The following SHE variants were observed in gnomAD, a reference collection of about 807,000 sequenced individuals.
SHE encodes the protein Src homology 2 domain containing E.
In SHE, 11 loss-of-function variants were observed where a neutral mutation model predicts 49.8. The ratio of observed to expected loss-of-function variants is 0.22; its 90% CI spans 0.14 to 0.37. The LOEUF (loss-of-function observed/expected upper bound fraction) is 0.37, where lower values mean the gene tolerates loss of function less well. Among genes scored for constraint, SHE ranks in the 10% least tolerant of loss-of-function variants. The pLI is 1.00. For synonymous variants in SHE, 310 were observed against 278.1 expected, an observed-to-expected ratio of 1.11 and a Z score of -1.14; for missense variants, 624 against 655.5, an observed-to-expected ratio of 0.95 and a Z score of 0.52.
intron 2 of SHE, among the ~76,000 whole-genome samples, chr1:154,498,403 T>A (rs1455970668): frequency 2.1e-5 from 3 of 146,340 alleles, no homozygotes; most frequent in African/African-American, 7.7e-5. Flanking sequence ...GCCTTTTTTT[T>A]TTTTTCCTTT....
Position 154,482,579 on chromosome 1 carries a change from T to C in SHE, c.*1570A>G. 7.1e-6 allele frequency: 7 copies of C among 985,460 alleles called. No individual in the cohort carries two copies. The highest frequency in any genetic ancestry group is 8.4e-6 in the Non-Finnish European group (7 of 829,936). The allele number at this position is 985,460 out of a possible 1,614,324, so 61.0% of individuals were successfully genotyped here. A position where few individuals can be genotyped will look rare whatever the true frequency, so the allele number is the denominator to read the frequency against. On this transcript the variant is annotated 3_prime_UTR_variant, in exon 6 of 6. Coordinates refer to ENST00000304760, the MANE Select transcript of SHE (RefSeq NM_001010846.3). ...TGATGACAGTCAGTACATTTGCATA[T>C]GGGGCAGTTTTGAGACCCAAATGAC...
At chr1:154,472,193 G>T (rs1012207849) in intron 1 of SHE, among the ~76,000 whole-genome samples, 3 of 152,170 alleles carry the variant, frequency 2.0e-5, no homozygotes, top group African/African-American at 7.2e-5. Context: ...TTAGTGTGCT[G>T]CTCTATAAGA....
At chr1:154,475,065 G>A (rs1031310048), downstream of SHE, among the ~76,000 whole-genome samples, 2 of 152,186 alleles carry the variant, frequency 1.3e-5, no homozygotes, top group African/African-American at 2.4e-5. Flanking sequence ...AGGGAGTGAG[G>A]GAGCAGAGTA....
At position 154,493,841 on chromosome 1, in the gene SHE, CTGCTAGGTGTATTATGCCCAGAATCTCA is replaced by C. The variant is rs561264906; in HGVS notation, c.719-4513_719-4486del. ...ACGGCTGTACTGACTAGGTATACAC[CTGCTAGGTGTATTATGCCCAGAATCTCA>C]CTGATGCCTCACTAAGGCAGTGACA... On this transcript the variant is annotated intron_variant, in intron 2 of 5. Transcript: ENST00000304760. Among the ~76,000 whole-genome samples, 130 of 152,258 alleles carry C rather than the reference CTGCTAGGTGTATTATGCCCAGAATCTCA, an allele frequency of 8.5e-4. 1 individual carries two copies. The highest frequency in any genetic ancestry group is 2.6e-3 in the African/African-American group (110 of 41,524).
chr1:154,495,481 G>A (rs1199935222), intron 2 of SHE, among the ~76,000 whole-genome samples: 1 of 151,958 alleles, frequency 6.6e-6, no homozygotes, highest in Non-Finnish European at 1.5e-5. Context: ...GCAAAGTTTT[G>A]GGGGGACCCA....
In SHE at chr1:154,501,958, C is replaced by T. The variant is rs769327325; in HGVS notation, c.69G>A (p.Thr23=). 4.2e-6 allele frequency: 6 copies of T among 1,435,464 alleles called. No individual in the cohort carries two copies. In the South Asian group the frequency reaches 7.2e-5, roughly 17 times the overall value. The allele number at this position is 1,435,464 out of a possible 1,614,324, so 88.9% of individuals were successfully genotyped here. ...CGGCTCGGCCCAGGAGCGTCGGGGC[C>T]GTGGAGCAGGCGAGCGAGGAAGCCC... The part of the protein sequence containing the change: ...LGWASSLACS[T]APTLLGRAGR... Residue 23 remains threonine, a synonymous_variant, in exon 1 of 6, where the codon ACG becomes ACA. Coordinates refer to ENST00000304760, the MANE Select transcript of SHE (RefSeq NM_001010846.3).
At chr1:154,472,830 C>T (rs1691776893) in intron 1 of SHE, among the ~76,000 whole-genome samples, 1 of 152,144 alleles carries the variant, frequency 6.6e-6, no homozygotes, top group Non-Finnish European at 1.5e-5. Flanking sequence ...AGTTCACAGG[C>T]CCTTTGTGGT....
rs1272220693 is a variant in SHE at position 154,501,521 on chromosome 1, G to C, written c.506C>G (p.Ser169Cys). The C allele has an allele frequency of 6.2e-7, 1 of 1,614,206 alleles. No individual in the cohort carries two copies. The highest frequency in any genetic ancestry group is 8.5e-7 in the Non-Finnish European group (1 of 1,180,020). Reference protein sequence around the residue: ...SNYPSSSSSSSSSSSSASSSP... With the variant: ...SNYPSSSSSSCSSSSSASSSP... ...AGAGGACGCGGAGGAAGAGGAGCTG[G>C]AGCTGGAGCTACTGCTGCTGGGGTA... The change falls in exon 1 of 6, where the codon TCC becomes TGC. Residue 169 changes from serine (S) to cysteine (C), a missense_variant. By Grantham distance (112) the Ser-to-Cys change is moderately radical. Around this residue, in one of 4 missense-constraint regions of SHE, gnomAD observed 337 missense variants for 306.0 expected, o/e 1.10. Transcript: ENST00000304760.
intron 2 of SHE, among the ~76,000 whole-genome samples, chr1:154,498,647 C>T (rs1334208303): frequency 6.8e-6 from 1 of 148,102 alleles, no homozygotes; most frequent in Non-Finnish European, 1.5e-5. Flanking sequence ...ATCTGCCCGC[C>T]TCTCTCCCAA....
intron 5 of SHE, 38 bp from the exon 6 acceptor site, chr1:154,484,373 G>A (rs1328677748): frequency 6.4e-7 from 1 of 1,566,720 alleles, no homozygotes; most frequent in Admixed American, 1.7e-5. Flanking sequence ...GAATGAGTGG[G>A]CAGAGGATCC....
chr1:154,493,371 C>G (rs145797324), intron 2 of SHE, among the ~76,000 whole-genome samples: 1 of 152,184 alleles, frequency 6.6e-6, no homozygotes, highest in Non-Finnish European at 1.5e-5. Context: ...GGCTGCAAGC[C>G]GACCCTTCCT....
At chr1:154,489,410 A>C in intron 2 of SHE, 54 bp from the exon 3 acceptor site, 4 of 1,565,802 alleles carry the variant, frequency 2.6e-6, no homozygotes, top group Non-Finnish European at 2.6e-6. Context: ...ATGTCTTGAA[A>C]GCAAAGATGC....
intron 2 of SHE, among the ~76,000 whole-genome samples, chr1:154,490,992 A>C (rs1215137989): frequency 6.6e-6 from 1 of 152,188 alleles, no homozygotes; most frequent in East Asian, 1.9e-4. Context: ...AGAAGGAACT[A>C]GCAGTACAGG....
intron 1 of SHE, among the ~76,000 whole-genome samples, chr1:154,471,724 T>C (rs1408870419): frequency 6.6e-6 from 1 of 151,826 alleles, no homozygotes; most frequent in African/African-American, 2.4e-5. Context: ...TGTGTAAGCA[T>C]TCACACTATA....
At position 154,502,139 on chromosome 1, in the gene SHE, C is replaced by A; in HGVS notation, c.-113G>T. 3 of 884,632 alleles carry A rather than the reference C, an allele frequency of 3.4e-6. No individual in the cohort carries two copies. Among genetic ancestry groups the A allele is most frequent in the Non-Finnish European group, 4.4e-6 (3 of 686,524 alleles). 54.8% of individuals were successfully genotyped at this position (884,632 alleles called of 1,614,324 possible). A position where few individuals can be genotyped will look rare whatever the true frequency, so the allele number is the denominator to read the frequency against. Reference sequence around the variant, plus strand: ...AGGGTGGGGTTCTCACGGCTCGGGGCGCCGAGCGGGCGGGCGCTAGCCTCT... The same window carrying A: ...AGGGTGGGGTTCTCACGGCTCGGGGAGCCGAGCGGGCGGGCGCTAGCCTCT... On this transcript the variant is annotated 5_prime_UTR_variant, in exon 1 of 6. Transcript: ENST00000304760.
chr1:154,499,635 G>T (rs1445488763), intron 1 of SHE, among the ~76,000 whole-genome samples: 1 of 152,046 alleles, frequency 6.6e-6, no homozygotes, highest in African/African-American at 2.4e-5. Flanking sequence ...ACTCCAATCA[G>T]CTGAGCAGTA....
chr1:154,470,465 T>G, intron 1 of SHE: 2 of 1,098,576 alleles, frequency 1.8e-6, no homozygotes, highest in Non-Finnish European at 2.5e-6. Context: ...TCTGAATATC[T>G]GTGAGAATTA....
rs2149293626 is a variant in SHE, at chr1:154,489,059, G to A, written c.1016C>T (p.Ala339Val). 1.3e-6 allele frequency: 2 copies of A among 1,574,934 alleles called. No individual in the cohort carries two copies. Among genetic ancestry groups the A allele is most frequent in the African/African-American group, 1.4e-5 (1 of 74,024 alleles). Reference sequence around the variant, plus strand: ...TGGCCTGGCGCCCTCACCTGACAGAGCCCGCACGATCTGCTCCTTCTTCCA... The same window carrying A: ...TGGCCTGGCGCCCTCACCTGACAGAACCCGCACGATCTGCTCCTTCTTCCA... ...WEWKKEQIVR[A>V]LSVQFEGAER... Residue 339 changes from alanine to valine, a missense_variant, in exon 3 of 6, where the codon GCT (alanine) becomes GTT (valine). Physicochemically the swap from Ala to Val is moderately conservative, Grantham distance 64 (BLOSUM62 0). Transcript: ENST00000304760.
downstream of SHE, among the ~76,000 whole-genome samples, chr1:154,477,324 G>C (rs1451283628): frequency 6.6e-6 from 1 of 152,116 alleles, no homozygotes; most frequent in Non-Finnish European, 1.5e-5. Flanking sequence ...ATTTTTGTGT[G>C]TGTGGTAAGA....
Sources: gnomAD v4.1 joint callset for allele counts (sites outside exome capture counted in the v4.1 genomes callset) on GRCh38, gnomAD v4.1.1 for gene constraint, gnomAD v4.1.1 regional missense constraint, MANE v1.5 for transcripts, NCBI Gene and HGNC (gene_info 2026-07-23, HGNC 2026-07-21) for gene names.